Variants in AGBL1 observed in about 807,000 individuals in gnomAD.
The protein encoded by AGBL1 is cytosolic carboxypeptidase 4.
AGBL1 carries 130 observed loss-of-function variants against 118.9 expected under a neutral mutation model. The observed-to-expected ratio is 1.09, with a 90% confidence interval of 0.95 to 1.26. The LOEUF (loss-of-function observed/expected upper bound fraction) is 1.26. Ranked by LOEUF, AGBL1 falls within the 50% of genes most tolerant of loss-of-function variation. AGBL1 has a pLI of 0.00. For synonymous variants in AGBL1, 555 were observed against 478.9 expected, an observed-to-expected ratio of 1.16 and a Z score of -2.08; for missense variants, 1,584 against 1,298.1, an observed-to-expected ratio of 1.22 and a Z score of -3.38.
At chr15:86,562,809 C>G (rs982835384) in intron 21 of AGBL1, among the ~76,000 whole-genome samples, 1 of 152,124 alleles carries the variant, frequency 6.6e-6, no homozygotes, top group African/African-American at 2.4e-5. Flanking sequence ...TAATTATTGC[C>G]TCAATTTCAG....
chr15:86,196,780 T>C (rs971989045), intron 5 of AGBL1, among the ~76,000 whole-genome samples: 2 of 151,994 alleles, frequency 1.3e-5, no homozygotes, highest in African/African-American at 4.8e-5. Flanking sequence ...GAAACCTTAA[T>C]CCTATAGGAC....
intron 5 of AGBL1, among the ~76,000 whole-genome samples, chr15:86,190,193 T>A (rs756205970): frequency 6.6e-6 from 1 of 152,142 alleles, no homozygotes; most frequent in African/African-American, 2.4e-5. Flanking sequence ...TAATATAGCA[T>A]GATGAATATA....
chr15:86,368,555 ATAGTT>A (rs1305220529), intron 17 of AGBL1, among the ~76,000 whole-genome samples: 1 of 152,242 alleles, frequency 6.6e-6, no homozygotes, highest in Admixed American at 6.5e-5. Context: ...TGAAAAAAGT[ATAGTT>A]TATTCAAAAA....
intron 18 of AGBL1, among the ~76,000 whole-genome samples, chr15:86,518,153 C>A (rs554767890): frequency 6.6e-6 from 1 of 151,976 alleles, no homozygotes; most frequent in African/African-American, 2.4e-5. Context: ...TGTATTGGGA[C>A]GGCAGCCCTA....
intron 23 of AGBL1, among the ~76,000 whole-genome samples, chr15:86,940,013 C>T (rs963380454): frequency 6.8e-6 from 1 of 148,048 alleles, no homozygotes; most frequent in Non-Finnish European, 1.5e-5. Flanking sequence ...TCCCTAGTAG[C>T]TGGAACTACA....
At chr15:86,667,250 G>C (rs55970418) in intron 21 of AGBL1, among the ~76,000 whole-genome samples, 68,323 of 137,670 alleles carry the variant, frequency 0.5, 15,991 homozygotes, top group Middle Eastern at 0.64. Context: ...ATGTATGTAT[G>C]TATGTATCTA....
rs543769336 is a variant in AGBL1, at chr15:86,648,260, T to C, written c.2995-26013T>C. On this transcript the variant is annotated intron_variant, in intron 21 of 22. Coordinates refer to ENST00000614907, the MANE Select transcript of AGBL1 (RefSeq NM_001386094.1). The stretch of plus-strand genomic sequence containing the variant: ...AAGAGAAAGATGAGGTAGGAGGCTA[T>C]TGCAGTTCTCAGTGAGGGCTAGTGA... 2.0e-5 allele frequency among the ~76,000 whole-genome samples: 3 copies of C among 152,246 alleles called. No homozygotes were observed. In the South Asian group the frequency reaches 6.2e-4, roughly 32 times the overall value.
At chr15:86,214,874 C>T (rs184729555) in intron 5 of AGBL1, among the ~76,000 whole-genome samples, 20 of 152,282 alleles carry the variant, frequency 1.3e-4, no homozygotes, top group East Asian at 1.9e-4. Flanking sequence ...GCTGAGTGTT[C>T]GTAACCAAAC....
intron 17 of AGBL1, among the ~76,000 whole-genome samples, chr15:86,391,426 C>T (rs911122993): frequency 2.0e-5 from 3 of 151,430 alleles, no homozygotes; most frequent in East Asian, 1.9e-4. Flanking sequence ...TTTTCCACTC[C>T]TGTTTCCTGT....
intron 24 of AGBL1, among the ~76,000 whole-genome samples, chr15:86,994,044 T>A (rs2081356328): frequency 6.6e-6 from 1 of 152,156 alleles, no homozygotes; most frequent in Non-Finnish European, 1.5e-5. Flanking sequence ...ACAGGTTCTG[T>A]GTCACATTCA....
chr15:86,961,542 G>C (rs1257064033), intron 23 of AGBL1, among the ~76,000 whole-genome samples: 1 of 152,024 alleles, frequency 6.6e-6, no homozygotes, highest in Admixed American at 6.6e-5. Context: ...GTCCAGTGGT[G>C]GTGGGATGAA....
At chr15:86,636,741 A>C (rs1411095303) in intron 21 of AGBL1, among the ~76,000 whole-genome samples, 2 of 60,300 alleles carry the variant, frequency 3.3e-5, no homozygotes, top group African/African-American at 1.8e-4. Context: ...ATATATATAT[A>C]TATATATATA....
intron 22 of AGBL1, among the ~76,000 whole-genome samples, chr15:86,713,343 C>A (rs547176586): frequency 6.6e-6 from 1 of 152,114 alleles, no homozygotes. Flanking sequence ...TGTTATGAAG[C>A]GTTGCTGTGG....
In AGBL1 at chr15:86,284,832, G is replaced by A. The variant is rs182719216; in HGVS notation, c.2220+5049G>A. ...AGTTGATAAAGGAAAGGGAGACTGA[G>A]GACTCCTGTGGAGAGACACAGGATG... On this transcript the variant is annotated intron_variant, in intron 16 of 22. Coordinates refer to ENST00000614907, the MANE Select transcript of AGBL1 (RefSeq NM_001386094.1). Among the ~76,000 whole-genome samples the A allele has an allele frequency of 3.9e-5, 6 of 152,314 alleles. No homozygotes were observed. The East Asian group carries it at 1.2e-3, about 29-fold the overall frequency.
In AGBL1 at chr15:86,149,924, T is replaced by C. The variant is rs188030219; in HGVS notation, c.263-4506T>C. On this transcript the variant is annotated intron_variant, in intron 3 of 22. Coordinates refer to ENST00000614907, the MANE Select transcript of AGBL1 (RefSeq NM_001386094.1). ...TAAAAGAACAGAAATCACAACAAAC[T>C]GTCTCTCAGACCACAGTGTAATCAA... 2.3e-3 allele frequency among the ~76,000 whole-genome samples: 353 copies of C among 152,278 alleles called. 1 individual carries two copies. Among genetic ancestry groups the C allele is most frequent in the Middle Eastern group, 0.014 (4 of 294 alleles).
At chr15:87,003,408 A>G (rs905860078) in intron 24 of AGBL1, among the ~76,000 whole-genome samples, 4 of 104,136 alleles carry the variant, frequency 3.8e-5, no homozygotes, top group Admixed American at 2.8e-4. Context: ...TTTTGCATCA[A>G]TGTTCATCGG....
chr15:86,936,236 A>ATG (rs372531801), intron 23 of AGBL1, among the ~76,000 whole-genome samples: 5,693 of 105,726 alleles, frequency 0.054, 219 homozygotes, highest in African/African-American at 0.12. Context: ...AGCAGTGTGT[A>ATG]TGTATGTGTG....
chr15:86,341,868 T>G (rs1342762277), intron 17 of AGBL1, among the ~76,000 whole-genome samples: 3 of 152,156 alleles, frequency 2.0e-5, no homozygotes, highest in Non-Finnish European at 4.4e-5. Context: ...ACACTTTTTT[T>G]TAAGACCACC....
intron 22 of AGBL1, among the ~76,000 whole-genome samples, chr15:86,686,707 G>C (rs112470279): frequency 0.063 from 9,650 of 152,078 alleles, 363 homozygotes; most frequent in South Asian, 0.085. Context: ...AAAGTGCTGG[G>C]ATTACAGGCA....
Sources: allele counts gnomAD v4.1 joint callset (sites outside exome capture counted in the v4.1 genomes callset), GRCh38; gene constraint gnomAD v4.1.1; transcripts MANE v1.5; gene names NCBI Gene and HGNC (gene_info 2026-07-23, HGNC 2026-07-21).